Variants in EYS observed in about 807,000 individuals in gnomAD.
The protein encoded by EYS is protein eyes shut homolog.
In EYS, 250 loss-of-function variants were observed where a neutral mutation model predicts 282.1. The observed-to-expected ratio is 0.89, with a 90% CI of 0.80 to 0.98. EYS has a LOEUF of 0.98. Ranked by LOEUF, EYS falls within the 50% of genes least tolerant of loss-of-function variation. The pLI is 0.00. For missense variants in EYS, 4,016 were observed against 3,709.0 expected, an observed-to-expected ratio of 1.08 and a Z score of -2.15; for synonymous variants, 1,355 against 1,282.9, an observed-to-expected ratio of 1.06 and a Z score of -1.20.
chr6:63,762,321 C>T, intron 41 of EYS, 140 bp downstream of exon 41: 1 of 784,930 alleles, frequency 1.3e-6, no homozygotes, highest in South Asian at 1.9e-5. Flanking sequence ...AGTATAATGT[C>T]AAATATACTA....
At chr6:65,099,206 A>G (rs974008756) in intron 12 of EYS, among the ~76,000 whole-genome samples, 3 of 150,696 alleles carry the variant, frequency 2.0e-5, no homozygotes, top group African/African-American at 7.3e-5. Context: ...TATGTGGCAT[A>G]GGTCTTAGTG....
At chr6:65,626,290 A>G (rs1766687639) in intron 2 of EYS, among the ~76,000 whole-genome samples, 1 of 152,158 alleles carries the variant, frequency 6.6e-6, no homozygotes, top group Admixed American at 6.5e-5. Flanking sequence ...TCTGGCTCAG[A>G]CCTTGCCATA....
At chr6:64,482,941 C>G (rs1321664144) in intron 26 of EYS, among the ~76,000 whole-genome samples, 1 of 151,688 alleles carries the variant, frequency 6.6e-6, no homozygotes, top group Non-Finnish European at 1.5e-5. Flanking sequence ...GCAGCGTCCA[C>G]TGACCTCCTT....
chr6:63,880,869 G>T (rs1773114705), intron 35 of EYS, among the ~76,000 whole-genome samples: 1 of 152,156 alleles, frequency 6.6e-6, no homozygotes, highest in Admixed American at 6.6e-5. Flanking sequence ...ATGTTAAAAT[G>T]GACTGTGCTA....
chr6:64,318,115 T>G (rs1561926644), intron 29 of EYS, among the ~76,000 whole-genome samples: 1 of 151,980 alleles, frequency 6.6e-6, no homozygotes, highest in Non-Finnish European at 1.5e-5. Flanking sequence ...CACCATGGCA[T>G]GTGTATACCT....
intron 24 of EYS, among the ~76,000 whole-genome samples, chr6:64,607,777 G>A (rs555452829): frequency 1.3e-5 from 2 of 152,230 alleles, no homozygotes; most frequent in South Asian, 2.1e-4. Context: ...TGGTTGCAGA[G>A]TGAAAACTTT....
At chr6:64,388,539 T>C in intron 29 of EYS, 151 bp downstream of exon 29, 1 of 576,508 alleles carries the variant, frequency 1.7e-6, no homozygotes, top group Non-Finnish European at 2.9e-6. Context: ...ATATATATGT[T>C]AGTAGAGTCA....
chr6:64,224,797 A>G (rs1358559835), intron 31 of EYS, among the ~76,000 whole-genome samples: 2 of 152,048 alleles, frequency 1.3e-5, no homozygotes, highest in Admixed American at 6.6e-5. Flanking sequence ...AGGGAGAAAA[A>G]AAATGTGCAC....
At chr6:65,006,687 G>A (rs1771675401) in intron 13 of EYS, among the ~76,000 whole-genome samples, 1 of 152,136 alleles carries the variant, frequency 6.6e-6, no homozygotes, top group South Asian at 2.1e-4. Context: ...GAGCTAGGAG[G>A]AACTCCCTTC....
intron 31 of EYS, among the ~76,000 whole-genome samples, chr6:64,140,216 T>C (rs954495818): frequency 1.3e-5 from 2 of 152,202 alleles, no homozygotes. Flanking sequence ...AATGTTTATA[T>C]TGATTAATAA....
intron 35 of EYS, among the ~76,000 whole-genome samples, chr6:63,915,944 T>C (rs1764412698): frequency 6.6e-6 from 1 of 152,216 alleles, no homozygotes; most frequent in African/African-American, 2.4e-5. Context: ...GAAGTTGATG[T>C]AAACGTTACT....
intron 29 of EYS, among the ~76,000 whole-genome samples, chr6:64,311,979 G>GGTTTTTTTTTT (rs563437473): frequency 2.1e-5 from 3 of 139,946 alleles, no homozygotes; most frequent in African/African-American, 8.4e-5. Context: ...GCTGCAGAAG[G>GGTTTTTTTTTT]TTTTTTTTTT....
rs1176681254 is a variant in EYS, at chr6:64,094,613, AT to A, written c.6425-12612del. On this transcript the variant is annotated intron_variant, in intron 31 of 42. Transcript: ENST00000503581. The stretch of plus-strand genomic sequence containing the variant: ...GATCTGTGGTGATGTCCCCTTTATC[AT>A]TTTTTTATTGCATCTATTTGATTCT... Among the ~76,000 whole-genome samples, 6 of 152,008 alleles carry A rather than the reference AT, an allele frequency of 3.9e-5. No individual in the cohort carries two copies. In the East Asian group the frequency reaches 9.7e-4, roughly 25 times the overall value.
chr6:64,830,444 T>A (rs994697718), intron 19 of EYS, among the ~76,000 whole-genome samples: 1 of 151,916 alleles, frequency 6.6e-6, no homozygotes, highest in African/African-American at 2.4e-5. Flanking sequence ...AGCAGAGTCT[T>A]CATTGTCATT....
chr6:63,727,922 T>C (rs1344399749), intron 41 of EYS, among the ~76,000 whole-genome samples: 6 of 147,142 alleles, frequency 4.1e-5, no homozygotes, highest in African/African-American at 1.5e-4. Flanking sequence ...TGGGACCCTG[T>C]CGTAAAAAAA....
intron 12 of EYS, among the ~76,000 whole-genome samples, chr6:65,127,468 A>G (rs546122936): frequency 1.3e-5 from 2 of 152,294 alleles, no homozygotes; most frequent in South Asian, 2.1e-4. Context: ...ACAATAAACA[A>G]ACTACAGAAA....
chr6:65,090,211 A>G (rs1369498181), intron 12 of EYS, among the ~76,000 whole-genome samples: 1 of 152,142 alleles, frequency 6.6e-6, no homozygotes, highest in Non-Finnish European at 1.5e-5. Context: ...TAATTGGATC[A>G]TGGGAGTGGC....
intron 2 of EYS, among the ~76,000 whole-genome samples, chr6:65,496,805 G>A (rs1766273692): frequency 6.6e-6 from 1 of 151,916 alleles, no homozygotes; most frequent in East Asian, 1.9e-4. Context: ...GTACTATAAA[G>A]ATCAATTAAA....
intron 31 of EYS, among the ~76,000 whole-genome samples, chr6:64,195,293 A>G (rs1241658767): frequency 6.6e-6 from 1 of 152,060 alleles, no homozygotes; most frequent in African/African-American, 2.4e-5. Flanking sequence ...ATGGCTTTCC[A>G]TTGTTTCTTT....
Sources: gnomAD v4.1 joint callset for allele counts (sites outside exome capture counted in the v4.1 genomes callset) on GRCh38, gnomAD v4.1.1 for gene constraint, MANE v1.5 for transcripts, NCBI Gene and HGNC (gene_info 2026-07-23, HGNC 2026-07-21) for gene names.